RASSF3: variants seen among roughly 807,000 people sequenced by gnomAD.
RASSF3 encodes the protein Ras association domain family member 3.
Under a neutral mutation model 19.9 loss-of-function variants are expected in RASSF3, and 19 were observed. The ratio of observed to expected loss-of-function variants is 0.96; its 90% CI spans 0.67 to 1.40. The LOEUF is 1.40. Among genes scored for constraint, RASSF3 ranks in the 40% most tolerant of loss-of-function variants. The probability of loss-of-function intolerance (pLI) is 0.00; values close to 1 mark genes in which losing one functional copy is unlikely to be tolerated. For missense variants in RASSF3, 306 were observed against 289.8 expected (o/e 1.06, Z -0.41); for synonymous variants, 110 against 104.2 (o/e 1.06, Z -0.34).
intron 2 of RASSF3, among the ~76,000 whole-genome samples, chr12:64,552,497 T>A (rs978311982): frequency 7.2e-5 from 11 of 152,130 alleles, no homozygotes; most frequent in African/African-American, 2.7e-4. Flanking sequence ...CAACATCCAC[T>A]AACTATTTTT....
At chr12:64,657,177 A>G (rs1414833299) in intron 1 of RASSF3, among the ~76,000 whole-genome samples, 6 of 152,034 alleles carry the variant, frequency 3.9e-5, no homozygotes, top group Admixed American at 6.6e-5. Context: ...ACGTCTGGCT[A>G]ATTTTTGTAT....
At chr12:64,573,206 G>A (rs1048997563) in intron 2 of RASSF3, among the ~76,000 whole-genome samples, 1 of 152,036 alleles carries the variant, frequency 6.6e-6, no homozygotes, top group African/African-American at 2.4e-5. Flanking sequence ...AGTCCTAGTT[G>A]AGGCTGAGGT....
chr12:64,594,992 C>G (rs1565845760), intron 2 of RASSF3, among the ~76,000 whole-genome samples: 2 of 150,546 alleles, frequency 1.3e-5, no homozygotes, highest in African/African-American at 2.4e-5. Context: ...CACACACAGA[C>G]ACACACACAC....
At position 64,678,386 on chromosome 12, in the gene RASSF3, G is replaced by T. The variant is rs139169030; in HGVS notation, c.112-6401G>T. On this transcript the variant is annotated intron_variant, in intron 1 of 4. Transcript: ENST00000542104. Reference sequence around the variant, plus strand: ...GCCTCACTTGGAGAAAGCACCTGTTGGCCTGGGAAGTTCACCCTTCTCTGC... The same window carrying T: ...GCCTCACTTGGAGAAAGCACCTGTTTGCCTGGGAAGTTCACCCTTCTCTGC... Among the ~76,000 whole-genome samples, 422 of 152,230 alleles carry T rather than the reference G, an allele frequency of 2.8e-3. 1 individual carries two copies. The highest frequency in any genetic ancestry group is 9.8e-3 in the African/African-American group (405 of 41,536).
intron 2 of RASSF3, among the ~76,000 whole-genome samples, chr12:64,583,710 G>A (rs774033162): frequency 1.3e-5 from 2 of 152,162 alleles, no homozygotes; most frequent in Non-Finnish European, 2.9e-5. Context: ...CTCTGCCTCG[G>A]TTTCCATCCA....
At chr12:64,657,227 G>A (rs529836561) in intron 1 of RASSF3, among the ~76,000 whole-genome samples, 2 of 152,174 alleles carry the variant, frequency 1.3e-5, no homozygotes, top group Admixed American at 1.3e-4. Context: ...GGCCAGGATG[G>A]TCTCGAACTC....
chr12:64,543,724 A>T (rs1868997904), downstream of RASSF3, among the ~76,000 whole-genome samples: 2 of 151,166 alleles, frequency 1.3e-5, no homozygotes, highest in Admixed American at 6.6e-5. Flanking sequence ...TCCTGAGTCT[A>T]GTGAGGACTT....
At chr12:64,565,167 G>GAA (rs201749569) in intron 2 of RASSF3, among the ~76,000 whole-genome samples, 12 of 116,240 alleles carry the variant, frequency 1.0e-4, no homozygotes, top group South Asian at 7.9e-4. Flanking sequence ...TTGAGAATCA[G>GAA]AAAAAAAAAA....
intron 1 of RASSF3, among the ~76,000 whole-genome samples, chr12:64,620,971 C>T (rs547289739): frequency 2.0e-4 from 30 of 152,116 alleles, no homozygotes; most frequent in African/African-American, 7.2e-5. Context: ...GAGTTTTACT[C>T]GTCACCCAGG....
At chr12:64,517,308 T>TCC (rs138608037) in intron 1 of RASSF3, among the ~76,000 whole-genome samples, 3 of 148,700 alleles carry the variant, frequency 2.0e-5, no homozygotes, top group South Asian at 2.2e-4. Flanking sequence ...TATTAATTCC[T>TCC]CCCCCCCCCC....
intron 1 of RASSF3, chr12:64,630,020 A>T (rs896152227): frequency 2.6e-5 from 4 of 152,022 alleles, no homozygotes; most frequent in Admixed American, 2.6e-4. Flanking sequence ...GTTTATGTGA[A>T]CTAAAAGGTT....
intron 2 of RASSF3, among the ~76,000 whole-genome samples, chr12:64,594,146 A>G (rs1393447104): frequency 6.6e-6 from 1 of 152,078 alleles, no homozygotes; most frequent in Non-Finnish European, 1.5e-5. Context: ...CAGCCTGGGC[A>G]ACGTAGTGAG....
chr12:64,640,795 A>G (rs1871488994), intron 1 of RASSF3, among the ~76,000 whole-genome samples: 1 of 151,990 alleles, frequency 6.6e-6, no homozygotes, highest in Non-Finnish European at 1.5e-5. Context: ...GGCATGTGCC[A>G]CTATTCCCAG....
intron 1 of RASSF3, among the ~76,000 whole-genome samples, chr12:64,614,901 G>A (rs931339128): frequency 1.3e-5 from 2 of 151,710 alleles, no homozygotes; most frequent in Non-Finnish European, 2.9e-5. Flanking sequence ...GTTTTGCCAT[G>A]TTGGCCAGGC....
chr12:64,681,237 C>G (rs1165366879), intron 1 of RASSF3, among the ~76,000 whole-genome samples: 4 of 152,170 alleles, frequency 2.6e-5, no homozygotes, highest in African/African-American at 4.8e-5. Context: ...TGTGCTTAGC[C>G]ATTTCCTGTG....
At chr12:64,637,278 T>C (rs547660933) in intron 1 of RASSF3, among the ~76,000 whole-genome samples, 41 of 152,328 alleles carry the variant, frequency 2.7e-4, no homozygotes, top group African/African-American at 8.9e-4. Context: ...AAGTTCAAAC[T>C]GACTGAGTGG....
At chr12:64,598,807 T>C (rs936347267) in intron 2 of RASSF3, among the ~76,000 whole-genome samples, 2 of 152,144 alleles carry the variant, frequency 1.3e-5, no homozygotes, top group African/African-American at 4.8e-5. Context: ...GTTACATATG[T>C]ATACGTGTAC....
chr12:64,508,020 A>G (rs1868302397), intron 1 of RASSF3, among the ~76,000 whole-genome samples: 1 of 152,198 alleles, frequency 6.6e-6, no homozygotes, highest in African/African-American at 2.4e-5. Flanking sequence ...TACTACTCAC[A>G]CTACTGTAAG....
At chr12:64,533,211 C>G (rs1381500373), upstream of RASSF3, 1 of 152,220 alleles carries the variant, frequency 6.6e-6, no homozygotes, top group African/African-American at 2.4e-5. Context: ...GCCGGCTCAG[C>G]CTGTTACCAT....
Sources: allele counts gnomAD v4.1 joint callset (sites outside exome capture counted in the v4.1 genomes callset), GRCh38; gene constraint gnomAD v4.1.1; transcripts MANE v1.5; gene names NCBI Gene and HGNC (gene_info 2026-07-23, HGNC 2026-07-21).